LMF1: variants seen among roughly 807,000 people sequenced by gnomAD.
LMF1 encodes the protein transmembrane protein 112.
Under a neutral mutation model 60.6 loss-of-function variants are expected in LMF1, and 68 were observed. That is an observed-to-expected ratio of 1.12 (90% CI 0.92 to 1.37). The LOEUF (loss-of-function observed/expected upper bound fraction) is 1.37, where lower values mean the gene tolerates loss of function less well. Ranked by LOEUF, LMF1 falls within the 40% of genes most tolerant of loss-of-function variation. The pLI, the probability that LMF1 is intolerant of heterozygous loss-of-function variation, is 0.00. For missense variants in LMF1, 948 were observed against 767.2 expected (o/e 1.24, Z -2.78); for synonymous variants, 418 against 324.7 (o/e 1.29, Z -3.09).
chr16:933,976 C>T (rs761225667), intron 3 of LMF1: 18 of 1,443,332 alleles, frequency 1.2e-5, no homozygotes, highest in African/African-American at 4.2e-5. Context: ...CCCAGGGAAG[C>T]GGTGGTAATC....
At chr16:932,387 G>A (rs916820784) in intron 3 of LMF1, among the ~76,000 whole-genome samples, 9 of 152,136 alleles carry the variant, frequency 5.9e-5, no homozygotes, top group African/African-American at 1.7e-4. Context: ...CGGCCTGCCC[G>A]CTCACAGCCC....
At chr16:979,863 C>A in intron 1 of LMF1, 1 of 430,542 alleles carries the variant, frequency 2.3e-6, no homozygotes, top group South Asian at 1.6e-5. Context: ...GCATCCCAGG[C>A]CTAACAGATG....
intron 1 of LMF1, among the ~76,000 whole-genome samples, chr16:970,153 C>T (rs944741588): frequency 3.3e-5 from 5 of 152,204 alleles, no homozygotes; most frequent in African/African-American, 9.6e-5. Flanking sequence ...CTGAGCTAGT[C>T]GAGAACACTA....
chr16:973,991 CA>C (rs1473375055), upstream of LMF1, among the ~76,000 whole-genome samples: 1 of 138,180 alleles, frequency 7.2e-6, no homozygotes, highest in African/African-American at 2.8e-5. Context: ...GCCTGGGCGA[CA>C]GAGCGAGACT....
Position 897,988 on chromosome 16 carries a change from C to T in LMF1, c.664-4916G>A, listed in dbSNP as rs117105009. Among the ~76,000 whole-genome samples, 567 of 152,330 alleles carry T rather than the reference C, an allele frequency of 3.7e-3. 4 individuals are homozygous for T. Among genetic ancestry groups the T allele is most frequent in the Non-Finnish European group, 6.3e-3 (429 of 68,024 alleles). On this transcript the variant is annotated intron_variant, in intron 4 of 10. Coordinates refer to ENST00000262301, the MANE Select transcript of LMF1 (RefSeq NM_022773.4). The surrounding 1 kb of genome is among the most constrained non-coding windows in gnomAD (Gnocchi z 4.3). Reference sequence around the variant, plus strand: ...TGGCAGGCATCCTCTGCGTGGTGGGCGCCTTCTGCGTGGCGGGCGTCCTCT... The same window carrying T: ...TGGCAGGCATCCTCTGCGTGGTGGGTGCCTTCTGCGTGGCGGGCGTCCTCT...
At chr16:974,785 C>G (rs79840158), upstream of LMF1, among the ~76,000 whole-genome samples, 1 of 152,232 alleles carries the variant, frequency 6.6e-6, no homozygotes, top group Non-Finnish European at 1.5e-5. Flanking sequence ...TGGCAGCTCC[C>G]GCCTCCTCGG....
intron 4 of LMF1, among the ~76,000 whole-genome samples, chr16:905,389 G>C (rs1275458958): frequency 1.3e-5 from 2 of 152,136 alleles, no homozygotes; most frequent in African/African-American, 2.4e-5. Flanking sequence ...GCCCGTCTCT[G>C]CTGTGTGGTG....
chr16:875,523 C>T (rs571933856), intron 6 of LMF1, among the ~76,000 whole-genome samples: 1 of 152,176 alleles, frequency 6.6e-6, no homozygotes, highest in Non-Finnish European at 1.5e-5. Flanking sequence ...AACTCAGCAC[C>T]TTGCTTTTCA....
intron 1 of LMF1, among the ~76,000 whole-genome samples, chr16:960,280 A>G (rs75082110): frequency 0.044 from 6,277 of 143,888 alleles, 373 homozygotes; most frequent in African/African-American, 0.11. Flanking sequence ...ACTGGATCAT[A>G]ACCCAGACAA....
intron 4 of LMF1, among the ~76,000 whole-genome samples, chr16:909,846 G>A (rs2071062726): frequency 6.6e-6 from 1 of 152,258 alleles, no homozygotes; most frequent in African/African-American, 2.4e-5. Flanking sequence ...GAACGTTCCG[G>A]ACTGAAGGAG....
At chr16:919,138 G>C (rs1002667343) in intron 3 of LMF1, among the ~76,000 whole-genome samples, 1 of 152,144 alleles carries the variant, frequency 6.6e-6, no homozygotes, top group Non-Finnish European at 1.5e-5. Flanking sequence ...TCGGGGGACA[G>C]TCTGTTTTCA....
At chr16:860,936 G>A (rs2069443997) in intron 10 of LMF1, among the ~76,000 whole-genome samples, 1 of 152,026 alleles carries the variant, frequency 6.6e-6, no homozygotes, top group Non-Finnish European at 1.5e-5. Flanking sequence ...TTTCAAAATG[G>A]TTTTAGCTAT....
chr16:915,829 G>A (rs1187197761), intron 3 of LMF1, among the ~76,000 whole-genome samples: 2 of 152,032 alleles, frequency 1.3e-5, no homozygotes, highest in African/African-American at 2.4e-5. Flanking sequence ...CCGGGGGCCG[G>A]AGCAGGTGAG....
rs751808733 is a variant in LMF1 at position 870,743 on chromosome 16, G to A, written c.1218C>T (p.Tyr406=). ...CAGGCTCATACCTTCCGAAGGCCCC[G>A]TAAGTGTTGACGATGTGAAGAGAGT... ...HFNSLHIVNT[Y]GAFGSITKER... is the part of the protein sequence containing the mutation. Residue 406 remains tyrosine, a synonymous_variant, in exon 8 of 11, where the codon TAC becomes TAT. Transcript: ENST00000262301. The A allele has an allele frequency of 8.1e-6, 13 of 1,612,800 alleles. No homozygotes were observed. Among genetic ancestry groups the A allele is most frequent in the African/African-American group, 4.0e-5 (3 of 74,916 alleles).
At chr16:918,152 G>A (rs1373491037) in intron 3 of LMF1, among the ~76,000 whole-genome samples, 1 of 152,206 alleles carries the variant, frequency 6.6e-6, no homozygotes, top group Non-Finnish European at 1.5e-5. Flanking sequence ...ATAAAATTAC[G>A]TTAACTGCAC....
chr16:878,739 G>T lies in LMF1; in HGVS notation c.897+831C>A, dbSNP rs935395761. ...TCTGGCAGGGGTGGGCAGGGCAGGG[G>T]AAGGGCGGGGGCAGGGGCGGGCAGG... On this transcript the variant is annotated intron_variant, in intron 6 of 10. Coordinates refer to ENST00000262301, the MANE Select transcript of LMF1 (RefSeq NM_022773.4). The surrounding 1 kb of genome is among the most constrained non-coding windows in gnomAD (Gnocchi z 5.2). Among the ~76,000 whole-genome samples, 16 of 135,930 alleles carry T rather than the reference G, an allele frequency of 1.2e-4. No individual in the cohort carries two copies. The East Asian group carries it at 3.8e-3, about 32-fold the overall frequency. The allele number at this position is 135,930 out of a possible 152,430, so 89.2% of individuals were successfully genotyped here.
chr16:914,573 T>TCCCATGACCATTGGTGACACCC (rs2071221103), intron 3 of LMF1, among the ~76,000 whole-genome samples: 3 of 4,546 alleles, frequency 6.6e-4, no homozygotes, highest in South Asian at 5.4e-3. Context: ...CACTCCCTCT[T>TCCCATGACCATTGGTGACACCC]TCCCTCCCTT....
intron 10 of LMF1, among the ~76,000 whole-genome samples, chr16:858,688 G>A (rs1484960645): frequency 1.2e-5 from 1 of 84,782 alleles, no homozygotes; most frequent in African/African-American, 6.5e-5. Flanking sequence ...GGTGTGAGTG[G>A]TGTCACGGGA....
At chr16:975,673 C>A (rs558014837), upstream of LMF1, 5 of 393,000 alleles carry the variant, frequency 1.3e-5, no homozygotes, top group Non-Finnish European at 2.5e-5. Context: ...TCCCTGCTCC[C>A]ACTTTGCCCC....
Sources: gnomAD v4.1 joint callset for allele counts (sites outside exome capture counted in the v4.1 genomes callset) on GRCh38, gnomAD v4.1.1 for gene constraint, Gnocchi (gnomAD v3.1) non-coding constraint, MANE v1.5 for transcripts, NCBI Gene and HGNC (gene_info 2026-07-23, HGNC 2026-07-21) for gene names.